PCNX1: variants seen among roughly 807,000 people sequenced by gnomAD.
PCNX1 encodes pecanex 1.
A neutral mutation model predicts 242.2 loss-of-function variants in PCNX1; 78 were observed. The ratio of observed to expected loss-of-function variants is 0.32; its 90% confidence interval spans 0.27 to 0.39. PCNX1 has a LOEUF of 0.39. PCNX1 is among the 10% of genes least tolerant of loss of function. PCNX1 has a pLI of 1.00. For synonymous variants in PCNX1, 1,024 were observed against 1,032.9 expected (o/e 0.99, Z 0.17); for missense variants, 2,581 against 2,856.5 (o/e 0.90, Z 2.20).
chr14:70,944,026 G>C (rs924149169), intron 1 of PCNX1, among the ~76,000 whole-genome samples: 2 of 152,208 alleles, frequency 1.3e-5, no homozygotes, highest in African/African-American at 4.8e-5. Context: ...GCAGAAGTCT[G>C]CTGCAGTGGT....
Position 70,907,802 on chromosome 14 carries a change from G to A in PCNX1, c.-49G>A. The A allele has an allele frequency of 4.9e-6, 6 of 1,230,028 alleles. No individual in the cohort carries two copies. The highest frequency in any genetic ancestry group is 6.1e-6 in the Non-Finnish European group (6 of 985,196). The allele number at this position is 1,230,028 out of a possible 1,614,324, so 76.2% of individuals were successfully genotyped here. A position where few individuals can be genotyped will look rare whatever the true frequency, so the allele number is the denominator to read the frequency against. On this transcript the variant is annotated 5_prime_UTR_variant, in exon 1 of 36. Coordinates refer to ENST00000304743, the MANE Select transcript of PCNX1 (RefSeq NM_014982.3). ...CGACCGAGGCCGAGCTGGGGCCGGG[G>A]CGGGGACGGCGGCGGCGGCGGCGGC... is the stretch of plus-strand genomic sequence containing the variant.
intron 1 of PCNX1, among the ~76,000 whole-genome samples, chr14:70,938,664 C>T (rs920453798): frequency 1.3e-5 from 2 of 152,160 alleles, no homozygotes; most frequent in Non-Finnish European, 2.9e-5. Flanking sequence ...AGGGAGGATT[C>T]TCTCTTTTTC....
intron 21 of PCNX1, 45 bp from the exon 22 acceptor site, chr14:71,047,762 A>G (rs984474308): frequency 1.4e-6 from 2 of 1,480,458 alleles, no homozygotes; most frequent in African/African-American, 1.4e-5. Context: ...TGTCTCTTCT[A>G]ATGTTTTCAG....
intron 19 of PCNX1, among the ~76,000 whole-genome samples, chr14:71,037,756 G>A (rs1271137974): frequency 2.6e-5 from 4 of 151,124 alleles, no homozygotes; most frequent in East Asian, 3.9e-4. Context: ...AAAAGAGCCC[G>A]CATCGCCAAG....
rs1429459199 is a variant in PCNX1, at chr14:71,113,336, C to G, written c.*3401C>G. ...GAAGTAGTCAGACAATATTTGTATC[C>G]TAAGTGAGATATGGAAAATTACTCT... On this transcript the variant is annotated 3_prime_UTR_variant, in exon 36 of 36. Transcript: ENST00000304743. 6.6e-6 allele frequency: 1 copy of G among 152,568 alleles called. No individual in the cohort carries two copies. Among genetic ancestry groups the G allele is most frequent in the Non-Finnish European group, 1.5e-5 (1 of 68,020 alleles). The allele number at this position is 152,568 out of a possible 1,614,324, so 9.5% of individuals were successfully genotyped here. A position where few individuals can be genotyped will look rare whatever the true frequency, so the allele number is the denominator to read the frequency against.
intron 26 of PCNX1, among the ~76,000 whole-genome samples, chr14:71,070,789 A>C (rs75138478): frequency 1.3e-5 from 2 of 152,192 alleles, no homozygotes; most frequent in South Asian, 2.1e-4. Context: ...GAGCATTTCA[A>C]CTTAAACTTA....
intron 2 of PCNX1, among the ~76,000 whole-genome samples, chr14:70,961,629 T>C (rs1299626572): frequency 1.3e-5 from 2 of 152,218 alleles, no homozygotes; most frequent in African/African-American, 2.4e-5. Flanking sequence ...TTTTTAACCT[T>C]GGCCTTCTAA....
At chr14:70,971,552 G>A (rs1009339638) in intron 5 of PCNX1, among the ~76,000 whole-genome samples, 2 of 152,174 alleles carry the variant, frequency 1.3e-5, no homozygotes, top group Non-Finnish European at 2.9e-5. Context: ...AAATAAATCA[G>A]TGAACAAAAA....
chr14:70,922,343 A>AT (rs1375609504), intron 1 of PCNX1, among the ~76,000 whole-genome samples: 2 of 152,118 alleles, frequency 1.3e-5, no homozygotes, highest in Non-Finnish European at 1.5e-5. Context: ...AAAAACATGA[A>AT]TTTTTTTCTT....
At position 71,115,295 on chromosome 14, in the gene PCNX1, C is replaced by T. The variant is rs996599814; in HGVS notation, c.*5360C>T. ...AGTTGTTTAAAATGGAAAATAAAAG[C>T]TGAGTTCTTTTGGCAAATATATTGC... On this transcript the variant is annotated 3_prime_UTR_variant, in exon 36 of 36. Transcript: ENST00000304743. 3.9e-5 allele frequency: 6 copies of T among 152,532 alleles called. No homozygotes were observed. Among genetic ancestry groups the T allele is most frequent in the Admixed American group, 1.3e-4 (2 of 15,264 alleles). 9.4% of individuals were successfully genotyped at this position (152,532 alleles called of 1,614,324 possible).
At chr14:70,941,807 T>C (rs1014223777) in intron 1 of PCNX1, among the ~76,000 whole-genome samples, 1 of 152,228 alleles carries the variant, frequency 6.6e-6, no homozygotes, top group Non-Finnish European at 1.5e-5. Context: ...CAGCTTTGTT[T>C]ACCTACTCAA....
Position 71,103,490 on chromosome 14 carries a change from T to C in PCNX1, c.5916T>C (p.Asn1972=), listed in dbSNP as rs756236111. ...NRNPERGSIQ[N]AKQALRNMIN... The stretch of plus-strand genomic sequence containing the variant: ...ACCCAGAGAGAGGTAGCATCCAAAA[T>C]GCAAAGCAAGCCCTGAGAAACATGA... Residue 1972 remains asparagine, a synonymous_variant, in exon 32 of 36, where the codon AAT becomes AAC. Transcript: ENST00000304743. The C allele has an allele frequency of 8.1e-6, 13 of 1,614,078 alleles. No homozygotes were observed. In the Admixed American group the frequency reaches 2.2e-4, roughly 27 times the overall value.
At chr14:71,060,090 T>C (rs2061286623) in intron 26 of PCNX1, among the ~76,000 whole-genome samples, 2 of 152,238 alleles carry the variant, frequency 1.3e-5, no homozygotes, top group Non-Finnish European at 2.9e-5. Flanking sequence ...CGTTAGATTC[T>C]TACACAGTCA....
intron 26 of PCNX1, among the ~76,000 whole-genome samples, chr14:71,069,534 A>G (rs1212373421): frequency 1.3e-5 from 2 of 152,200 alleles, no homozygotes; most frequent in African/African-American, 2.4e-5. Flanking sequence ...GAGATATTGC[A>G]TGTTGGGTTC....
In PCNX1 at chr14:71,055,656, A is replaced by G. The variant is rs569617429; in HGVS notation, c.4636+94A>G. On this transcript the variant is annotated intron_variant, in intron 25 of 35. Coordinates refer to ENST00000304743, the MANE Select transcript of PCNX1 (RefSeq NM_014982.3). ...ACTCCTAACTTGTTGGGAATCCTCT[A>G]TGAATCCCAAATATTCACTTTTAAA... The G allele has an allele frequency of 3.6e-5, 24 of 671,354 alleles. No homozygotes were observed. In the South Asian group the frequency reaches 5.3e-4, roughly 15 times the overall value. The allele number at this position is 671,354 out of a possible 1,614,324, so 41.6% of individuals were successfully genotyped here.
At chr14:70,990,022 C>G (rs562902226) in intron 7 of PCNX1, among the ~76,000 whole-genome samples, 1 of 152,156 alleles carries the variant, frequency 6.6e-6, no homozygotes, top group African/African-American at 2.4e-5. Flanking sequence ...TAGGTTGGAA[C>G]AGATAAACCC....
At position 70,968,207 on chromosome 14, in the gene PCNX1, G is replaced by T. The variant is rs779271272; in HGVS notation, c.478G>T (p.Gly160Cys). The T allele has an allele frequency of 6.2e-7, 1 of 1,612,256 alleles. No homozygotes were observed. Among genetic ancestry groups the T allele is most frequent in the Non-Finnish European group, 8.5e-7 (1 of 1,178,578 alleles). The stretch of plus-strand genomic sequence containing the variant: ...CATGTCACGTTTTCAGATTGGATCT[G>T]GTTCCTCGCGTCTTGGAACAGCAGC... ...GLDPSNQIGS[G>C]SSRLGTAATI... is the part of the protein sequence containing the mutation. Residue 160 changes from glycine to cysteine, a missense_variant, in exon 4 of 36, where the codon GGT (glycine) becomes TGT (cysteine). Around this residue, in one of 9 missense-constraint regions of PCNX1, gnomAD observed 1,204 missense variants for 1,216.7 expected, o/e 0.99. Coordinates refer to ENST00000304743, the MANE Select transcript of PCNX1 (RefSeq NM_014982.3).
At chr14:71,022,289 A>G (rs577976441) in intron 12 of PCNX1, among the ~76,000 whole-genome samples, 2 of 152,286 alleles carry the variant, frequency 1.3e-5, no homozygotes, top group South Asian at 2.1e-4. Context: ...CCATGGTCCA[A>G]TTAATTTTGT....
chr14:71,094,983 C>G (rs2062235833), intron 30 of PCNX1, among the ~76,000 whole-genome samples: 1 of 152,170 alleles, frequency 6.6e-6, no homozygotes, highest in South Asian at 2.1e-4. Context: ...TTTACTATTG[C>G]ATATTGTCCT....
Sources: gnomAD v4.1 joint callset for allele counts (sites outside exome capture counted in the v4.1 genomes callset) on GRCh38, gnomAD v4.1.1 for gene constraint, gnomAD v4.1.1 regional missense constraint, MANE v1.5 for transcripts, NCBI Gene and HGNC (gene_info 2026-07-23, HGNC 2026-07-21) for gene names.